TCF7L1: variants seen among roughly 807,000 people sequenced by gnomAD.
TCF7L1 encodes the protein transcription factor 7 like 1.
Under a neutral mutation model 63.7 loss-of-function variants are expected in TCF7L1, and 18 were observed. The ratio of observed to expected loss-of-function variants is 0.28; its 90% CI spans 0.20 to 0.42. The LOEUF (loss-of-function observed/expected upper bound fraction) is 0.42. TCF7L1 is among the 10% of genes least tolerant of loss of function. The pLI is 1.00. For missense variants in TCF7L1, 654 were observed against 779.3 expected, an observed-to-expected ratio of 0.84 and a Z score of 1.91; for synonymous variants, 355 against 340.9, an observed-to-expected ratio of 1.04 and a Z score of -0.46.
chr2:85,234,816 G>A (rs1301223906), intron 3 of TCF7L1, among the ~76,000 whole-genome samples: 2 of 152,224 alleles, frequency 1.3e-5, no homozygotes, highest in Admixed American at 1.3e-4. Context: ...AGGTCAGCTT[G>A]AGTGTGCAGA....
At chr2:85,172,051 G>A (rs1019071320) in intron 3 of TCF7L1, among the ~76,000 whole-genome samples, 1 of 152,106 alleles carries the variant, frequency 6.6e-6, no homozygotes, top group Admixed American at 6.5e-5. Flanking sequence ...GAGATGTGCA[G>A]TGTCCTCCCC....
At chr2:85,164,210 A>G (rs914721642) in intron 3 of TCF7L1, among the ~76,000 whole-genome samples, 2 of 152,138 alleles carry the variant, frequency 1.3e-5, no homozygotes, top group Non-Finnish European at 2.9e-5. Flanking sequence ...GAACCTGCCC[A>G]CTGACTGGCG....
At chr2:85,238,127 G>C (rs114086642) in intron 3 of TCF7L1, among the ~76,000 whole-genome samples, 5,897 of 152,240 alleles carry the variant, frequency 0.039, 122 homozygotes, top group Middle Eastern at 0.044. Flanking sequence ...CAGTGGCAGC[G>C]AGCGAGGGAG....
chr2:85,175,969 G>A (rs1678670219), intron 3 of TCF7L1, among the ~76,000 whole-genome samples: 2 of 152,250 alleles, frequency 1.3e-5, no homozygotes, highest in African/African-American at 2.4e-5. Flanking sequence ...TTAGGGATTG[G>A]AAGTCTAGCT....
Position 85,179,327 on chromosome 2 carries a change from G to A in TCF7L1, c.441+44877G>A, listed in dbSNP as rs199607475. Among the ~76,000 whole-genome samples the A allele has an allele frequency of 8.5e-5, 13 of 152,210 alleles. No individual in the cohort carries two copies. In the East Asian group the frequency reaches 1.2e-3, roughly 14 times the overall value. ...GGAGGAATAGTTCTCAAATGCATCC[G>A]GATCTCCTGGAGAGCCTGTTAACAC... On this transcript the variant is annotated intron_variant, in intron 3 of 11. Coordinates refer to ENST00000282111, the MANE Select transcript of TCF7L1 (RefSeq NM_031283.3).
chr2:85,202,926 T>C (rs960410408), intron 3 of TCF7L1, among the ~76,000 whole-genome samples: 2 of 152,222 alleles, frequency 1.3e-5, no homozygotes, highest in African/African-American at 2.4e-5. Context: ...CTCCACCTCC[T>C]GGGTTCACGC....
intron 3 of TCF7L1, among the ~76,000 whole-genome samples, chr2:85,278,064 A>G (rs535774228): frequency 6.6e-6 from 1 of 152,184 alleles, no homozygotes; most frequent in African/African-American, 2.4e-5. Flanking sequence ...GTGTTGGGGA[A>G]ATTCCAGGGC....
At chr2:85,212,309 G>A (rs1392343602) in intron 3 of TCF7L1, among the ~76,000 whole-genome samples, 1 of 152,158 alleles carries the variant, frequency 6.6e-6, no homozygotes, top group Non-Finnish European at 1.5e-5. Context: ...ATGACCTCAA[G>A]CAGGTTACCT....
At chr2:85,166,124 T>C (rs959414349) in intron 3 of TCF7L1, among the ~76,000 whole-genome samples, 2 of 152,250 alleles carry the variant, frequency 1.3e-5, no homozygotes, top group Admixed American at 6.5e-5. Flanking sequence ...ACAGTGGTGG[T>C]TGTAACATCT....
intron 4 of TCF7L1, among the ~76,000 whole-genome samples, chr2:85,292,980 T>A (rs1302251118): frequency 1.3e-5 from 2 of 152,214 alleles, no homozygotes; most frequent in African/African-American, 2.4e-5. Context: ...TCACTTGGAG[T>A]GGCTGTTTTA....
rs1451181944 is a variant in TCF7L1, at chr2:85,243,844, C to T, written c.442-39651C>T. Reference sequence around the variant, plus strand: ...CCTGCAGAGTTGACGTTGGGAGCTGCCCTGCTAGCCACGGACCACATTGTG... The same window carrying T: ...CCTGCAGAGTTGACGTTGGGAGCTGTCCTGCTAGCCACGGACCACATTGTG... On this transcript the variant is annotated intron_variant, in intron 3 of 11. Transcript: ENST00000282111. Among the ~76,000 whole-genome samples the T allele has an allele frequency of 2.6e-5, 4 of 152,274 alleles. No individual in the cohort carries two copies. The East Asian group carries it at 5.8e-4, about 22-fold the overall frequency.
intron 3 of TCF7L1, among the ~76,000 whole-genome samples, chr2:85,276,697 G>A (rs954257721): frequency 1.3e-5 from 2 of 152,076 alleles, no homozygotes; most frequent in Non-Finnish European, 2.9e-5. Context: ...TGGAAACTGG[G>A]CCTAAGCTCA....
chr2:85,237,279 A>T (rs555693682), intron 3 of TCF7L1, among the ~76,000 whole-genome samples: 1 of 152,208 alleles, frequency 6.6e-6, no homozygotes, highest in South Asian at 2.1e-4. Flanking sequence ...CAAGCTTTGG[A>T]CTGAGAAGGA....
At chr2:85,308,846 C>G (rs1395166197) in intron 11 of TCF7L1, among the ~76,000 whole-genome samples, 183 bp from the exon 12 acceptor site, 1 of 152,102 alleles carries the variant, frequency 6.6e-6, no homozygotes, top group Non-Finnish European at 1.5e-5. Context: ...GGCGTTGCCT[C>G]TTCTCTGTGC....
chr2:85,250,928 G>A (rs887176702), intron 3 of TCF7L1, among the ~76,000 whole-genome samples: 1 of 152,212 alleles, frequency 6.6e-6, no homozygotes, highest in Non-Finnish European at 1.5e-5. Context: ...AGGAGAAACT[G>A]TAGTCTCGGA....
Position 85,144,747 on chromosome 2 carries a change from GTGTA to G in TCF7L1, c.441+10301_441+10304del, listed in dbSNP as rs1313385022. Among the ~76,000 whole-genome samples, 823 of 147,672 alleles carry G rather than the reference GTGTA, an allele frequency of 5.6e-3. 1 individual carries two copies. The highest frequency in any genetic ancestry group is 0.012 in the African/African-American group (455 of 39,126). ...TGTGTGTGTGTGTGTGTGTGTGTGTGTGTATGTGTGTGTGTGTGTATGTATGTTT... is the reference window on the plus strand; with the variant it reads ...TGTGTGTGTGTGTGTGTGTGTGTGTGTGTGTGTGTGTGTGTATGTATGTTT... On this transcript the variant is annotated intron_variant, in intron 3 of 11. Coordinates refer to ENST00000282111, the MANE Select transcript of TCF7L1 (RefSeq NM_031283.3).
chr2:85,272,672 G>A (rs1241861704), intron 3 of TCF7L1, among the ~76,000 whole-genome samples: 1 of 152,070 alleles, frequency 6.6e-6, no homozygotes, highest in East Asian at 1.9e-4. Flanking sequence ...GTGCTTGCCT[G>A]TAGTCCCAGC....
At chr2:85,229,041 A>G (rs1680016942) in intron 3 of TCF7L1, among the ~76,000 whole-genome samples, 2 of 129,278 alleles carry the variant, frequency 1.5e-5, no homozygotes. Context: ...AAAAAAAAAG[A>G]AAGGAAAAGA....
intron 3 of TCF7L1, among the ~76,000 whole-genome samples, chr2:85,217,779 A>G (rs781697137): frequency 7.9e-5 from 12 of 152,138 alleles, no homozygotes; most frequent in Non-Finnish European, 1.6e-4. Flanking sequence ...TATTTGCATT[A>G]TACTGACCAG....
Sources: allele counts gnomAD v4.1 joint callset (sites outside exome capture counted in the v4.1 genomes callset), GRCh38; gene constraint gnomAD v4.1.1; transcripts MANE v1.5; gene names NCBI Gene and HGNC (gene_info 2026-07-23, HGNC 2026-07-21).